Variants in ZNF248 observed in about 807,000 individuals in gnomAD.
ZNF248 encodes the protein KRAB protein domain.
Under a neutral mutation model 44.3 loss-of-function variants are expected in ZNF248, and 20 were observed. The observed-to-expected ratio is 0.45, with a 90% confidence interval of 0.32 to 0.66. The LOEUF (loss-of-function observed/expected upper bound fraction) is 0.66. Ranked by LOEUF, ZNF248 falls within the 30% of genes least tolerant of loss-of-function variation. The pLI is 0.04. For synonymous variants in ZNF248, 224 were observed against 229.0 expected (o/e 0.98, Z 0.20); for missense variants, 654 against 677.0 (o/e 0.97, Z 0.38).
At chr10:37,763,106 G>T in the ZNF248 span, among the ~76,000 whole-genome samples, 1 of 152,162 alleles carries the variant, frequency 6.6e-6, no homozygotes, top group East Asian at 1.9e-4. Flanking sequence ...ACAAAGGAGG[G>T]TGAATGCAGG....
At chr10:37,770,651 C>T in the ZNF248 span, among the ~76,000 whole-genome samples, 9,793 of 151,974 alleles carry the variant, frequency 0.064, 432 homozygotes, top group Non-Finnish European at 0.1. Flanking sequence ...ACATGTTAGA[C>T]CTAAAACCAT....
At chr10:37,844,475 T>TTGG (rs1434025384) in intron 3 of ZNF248, among the ~76,000 whole-genome samples, 3 of 152,252 alleles carry the variant, frequency 2.0e-5, no homozygotes, top group Non-Finnish European at 4.4e-5. Flanking sequence ...AAGTCCAATT[T>TTGG]GTAGTTTGTA....
chr10:37,770,707 C>T, the ZNF248 span, among the ~76,000 whole-genome samples: 1 of 152,202 alleles, frequency 6.6e-6, no homozygotes, highest in Non-Finnish European at 1.5e-5. Context: ...AGGACACAGA[C>T]ATGGGGAAGG....
the ZNF248 span, among the ~76,000 whole-genome samples, chr10:37,766,361 T>C: frequency 1.3e-5 from 2 of 152,102 alleles, no homozygotes; most frequent in African/African-American, 4.8e-5. Flanking sequence ...CACCCTCTAG[T>C]AGGGGCAGAC....
intron 6 of ZNF248, among the ~76,000 whole-genome samples, chr10:37,788,368 C>T (rs2048130761): frequency 6.6e-6 from 1 of 151,900 alleles, no homozygotes; most frequent in African/African-American, 2.4e-5. Flanking sequence ...CACCTGTAAT[C>T]CCAGCACTTT....
intron 5 of ZNF248, among the ~76,000 whole-genome samples, chr10:37,837,416 A>G (rs541279132): frequency 4.5e-4 from 69 of 151,824 alleles, no homozygotes; most frequent in African/African-American, 1.5e-3. Flanking sequence ...CCCAGCCAAG[A>G]AAAGCATTTA....
In ZNF248 at chr10:37,829,119, G is replaced by C; in HGVS notation, c.*2496C>G. ...TGCCCACCTGGGCTCTCCAGCAGAT[G>C]TATCTGGTTGGTTTCTCCAAAGAGA... On this transcript the variant is annotated 3_prime_UTR_variant, in exon 6 of 6. Transcript: ENST00000395867. 2.0e-6 allele frequency: 2 copies of C among 985,480 alleles called. No individual in the cohort carries two copies. Among genetic ancestry groups the C allele is most frequent in the South Asian group, 9.4e-5 (2 of 21,284 alleles). 61.0% of individuals were successfully genotyped at this position (985,480 alleles called of 1,614,324 possible).
chr10:37,824,740 G>T (rs183547036), downstream of ZNF248, among the ~76,000 whole-genome samples: 6 of 131,496 alleles, frequency 4.6e-5, no homozygotes, highest in East Asian at 2.3e-4. Context: ...GGAGTGGAGC[G>T]GCGCGATCTC....
downstream of ZNF248, among the ~76,000 whole-genome samples, chr10:37,824,325 A>G (rs1477399274): frequency 6.6e-6 from 1 of 152,172 alleles, no homozygotes. Context: ...TACTTAGTCT[A>G]CTGATTTAAA....
chr10:37,779,830 A>C (rs1354590705), intron 6 of ZNF248, among the ~76,000 whole-genome samples: 2 of 150,536 alleles, frequency 1.3e-5, no homozygotes, highest in Admixed American at 6.7e-5. Flanking sequence ...CAGGATACAA[A>C]ATCAATGTAC....
At chr10:37,804,413 A>T (rs1158722580) in intron 6 of ZNF248, among the ~76,000 whole-genome samples, 1 of 150,904 alleles carries the variant, frequency 6.6e-6, no homozygotes, top group Admixed American at 6.6e-5. Flanking sequence ...TATAATAGTG[A>T]ATCTTATTTA....
chr10:37,813,190 C>T lies in ZNF248; in HGVS notation c.330+19835G>A, dbSNP rs117405141. Among the ~76,000 whole-genome samples, 1,441 of 152,206 alleles carry T rather than the reference C, an allele frequency of 9.5e-3. 8 individuals are homozygous for T. The highest frequency in any genetic ancestry group is 0.02 in the Middle Eastern group (6 of 294). On this transcript the variant is annotated intron_variant, in intron 6 of 6. Transcript: ENST00000615949. ...CCATGAGGCGTAAGACGTAGAAGAA[C>T]GTACAAGAAACAATGTCGTAAAACA...
intron 3 of ZNF248, among the ~76,000 whole-genome samples, chr10:37,851,279 G>C (rs901586249): frequency 2.0e-5 from 3 of 152,126 alleles, no homozygotes; most frequent in Admixed American, 6.5e-5. Context: ...CATCTATCAA[G>C]GAGAACAAAG....
chr10:37,784,739 ACAT>A (rs2047688322), intron 6 of ZNF248, among the ~76,000 whole-genome samples: 1 of 152,112 alleles, frequency 6.6e-6, no homozygotes, highest in Non-Finnish European at 1.5e-5. Flanking sequence ...GTTCCACAAA[ACAT>A]CATCCTGGCC....
chr10:37,806,055 C>T (rs1372247357), intron 6 of ZNF248, among the ~76,000 whole-genome samples: 1 of 152,202 alleles, frequency 6.6e-6, no homozygotes, highest in African/African-American at 2.4e-5. Flanking sequence ...CACTTTCAAT[C>T]TGAACAATAT....
intron 3 of ZNF248, among the ~76,000 whole-genome samples, chr10:37,851,691 A>C (rs144130670): frequency 6.6e-6 from 1 of 150,548 alleles, no homozygotes; most frequent in African/African-American, 2.4e-5. Context: ...GAGAATATAC[A>C]GGCAGAAAAT....
In ZNF248 at chr10:37,790,285, A is replaced by G. The variant is rs1254866018; in HGVS notation, c.331-13710T>C. 1.3e-5 allele frequency among the ~76,000 whole-genome samples: 2 copies of G among 151,056 alleles called. 1 individual carries two copies. The highest frequency in any genetic ancestry group is 3.0e-5 in the Non-Finnish European group (2 of 67,782). ...GACTCTGTGTCAAAAAAAAAAAAAA[A>G]AAAAAGTAACTAGGGCTGGGAATGG... On this transcript the variant is annotated intron_variant, in intron 6 of 6. Transcript: ENST00000615949.
rs372175322 is a variant in ZNF248, at chr10:37,832,101, G to A, written c.1254C>T (p.Cys418=). The A allele has an allele frequency of 1.9e-6, 3 of 1,613,680 alleles. No homozygotes were observed. The highest frequency in any genetic ancestry group is 2.5e-6 in the Non-Finnish European group (3 of 1,179,880). The part of the protein sequence containing the change: ...YECTECGKAF[C]QKPHLTNHQR... ...GATGGTTGGTCAGGTGTGGTTTCTG[G>A]CAAAAGGCTTTCCCACATTCAGTAC... Residue 418 remains cysteine (C), a synonymous_variant, in exon 6 of 6, where the codon TGC becomes TGT. Coordinates refer to ENST00000395867, the MANE Select transcript of ZNF248 (RefSeq NM_021045.3).
chr10:37,857,867 T>G (rs954463155), upstream of ZNF248: 2 of 152,228 alleles, frequency 1.3e-5, no homozygotes, highest in African/African-American at 4.8e-5. Flanking sequence ...CTCATCCCCT[T>G]CTGACAGAGA....
Sources: gnomAD v4.1 joint callset for allele counts (sites outside exome capture counted in the v4.1 genomes callset) on GRCh38, gnomAD v4.1.1 for gene constraint, MANE v1.5 for transcripts, NCBI Gene and HGNC (gene_info 2026-07-23, HGNC 2026-07-21) for gene names.